CLK1: variants seen among roughly 807,000 people sequenced by gnomAD.
CLK1 encodes dual specificity protein kinase CLK1.
Under a neutral mutation model 60.9 loss-of-function variants are expected in CLK1, and 40 were observed. The observed-to-expected ratio is 0.66, with a 90% CI of 0.51 to 0.86. The LOEUF (loss-of-function observed/expected upper bound fraction) is 0.86, where lower values mean the gene tolerates loss of function less well. Ranked by LOEUF, CLK1 falls within the 40% of genes least tolerant of loss-of-function variation. The pLI, the probability that CLK1 is intolerant of heterozygous loss-of-function variation, is 0.00. For synonymous variants in CLK1, 203 were observed against 184.4 expected (o/e 1.10, Z -0.82); for missense variants, 563 against 606.1 (o/e 0.93, Z 0.75).
intron 3 of CLK1, chr2:200,860,936 C>T (rs1393672150): frequency 8.8e-7 from 1 of 1,131,780 alleles, no homozygotes; most frequent in East Asian, 5.6e-5. Context: ...TCTTGAAGTA[C>T]CACAAAAAAC....
At chr2:200,853,860 G>GA in intron 12 of CLK1, 43 bp downstream of exon 12, 1 of 1,445,382 alleles carries the variant, frequency 6.9e-7, no homozygotes, top group South Asian at 1.2e-5. Flanking sequence ...ACAAACAGAA[G>GA]AAACTCAGTT....
chr2:200,857,911 T>C, intron 6 of CLK1, 27 bp from the exon 7 acceptor site: 3 of 1,612,190 alleles, frequency 1.9e-6, no homozygotes, highest in South Asian at 2.2e-5. Flanking sequence ...AATAGCTAAG[T>C]ATAGTTGCTC....
rs2066749 is a variant in CLK1, at chr2:200,856,829, T to C, written c.928-18A>G. On this transcript the variant is annotated intron_variant, in intron 8 of 12. Coordinates refer to ENST00000321356, the MANE Select transcript of CLK1 (RefSeq NM_004071.4). ...TCACGTTTCTGAAAATCATAAATGATGGTTAAGAAGGCATAAGCTATTAAG... is the reference window on the plus strand; with the variant it reads ...TCACGTTTCTGAAAATCATAAATGACGGTTAAGAAGGCATAAGCTATTAAG... The C allele has an allele frequency of 5.4e-4, 878 of 1,612,062 alleles. 9 individuals are homozygous for C. In the African/African-American group the frequency reaches 0.011, roughly 20 times the overall value.
intron 1 of CLK1, among the ~76,000 whole-genome samples, chr2:200,862,645 C>A (rs1037577756): frequency 6.6e-6 from 1 of 152,216 alleles, no homozygotes; most frequent in African/African-American, 2.4e-5. Flanking sequence ...ACAAAGCCTG[C>A]CTTTAGTGGT....
intron 1 of CLK1, chr2:200,864,005 CACT>C (rs1404161363): frequency 2.2e-6 from 3 of 1,355,878 alleles, no homozygotes; most frequent in African/African-American, 3.0e-5. Flanking sequence ...TTGTTAACAC[CACT>C]GAGGACAAAG....
intron 11 of CLK1, 118 bp downstream of exon 11, chr2:200,854,498 T>G (rs1392026854): frequency 4.6e-6 from 3 of 653,666 alleles, no homozygotes; most frequent in Admixed American, 2.5e-5. Flanking sequence ...GTCACGCCAC[T>G]GCACTCCAGC....
Position 200,856,694 on chromosome 2 carries a change from C to T in CLK1, c.1045G>A (p.Glu349Lys). The change falls in exon 9 of 13, where the codon GAA becomes AAA. Residue 349 changes from glutamate (E) to lysine (K), a missense_variant. Physicochemically the swap from Glu to Lys is moderately conservative, Grantham distance 56 (BLOSUM62 1). This residue lies in a region of CLK1 where 360 missense variants were observed against 407.0 expected (regional missense o/e 0.88). Transcript: ENST00000321356. ...LVSTRHYRAP[E>K]VILALGWSQP... The stretch of plus-strand genomic sequence containing the variant: ...AATTAATACTCACCTAAAATAACTT[C>T]AGGTGCTCTATAATGTCTTGTAGAT... The T allele has an allele frequency of 6.3e-7, 1 of 1,583,626 alleles. No individual in the cohort carries two copies. The highest frequency in any genetic ancestry group is 8.6e-7 in the Non-Finnish European group (1 of 1,166,728).
Position 200,853,679 on chromosome 2 carries a change from G to GAAAA in CLK1, c.1311+220_1311+223dup, listed in dbSNP as rs34449560. 3.5e-4 allele frequency among the ~76,000 whole-genome samples: 17 copies of GAAAA among 49,118 alleles called. 1 individual carries two copies. Among genetic ancestry groups the GAAAA allele is most frequent in the African/African-American group, 8.1e-4 (9 of 11,130 alleles). The allele number at this position is 49,118 out of a possible 152,430, so 32.2% of individuals were successfully genotyped here. A position where few individuals can be genotyped will look rare whatever the true frequency, so the allele number is the denominator to read the frequency against. On this transcript the variant is annotated intron_variant, in intron 12 of 12. Transcript: ENST00000321356. The stretch of plus-strand genomic sequence containing the variant: ...AACATAGTAAAACTTGTCTTTACTT[G>GAAAA]AAAAAAAAAAAAAAAAAAAAAAAAA...
chr2:200,856,558 T>C (rs2039047578), intron 9 of CLK1, 124 bp downstream of exon 9: 3 of 731,442 alleles, frequency 4.1e-6, no homozygotes, highest in African/African-American at 1.8e-5. Flanking sequence ...CATAATGCAC[T>C]TCATGATACT....
At chr2:200,855,938 G>A (rs1270563617) in intron 9 of CLK1, among the ~76,000 whole-genome samples, 2 of 150,916 alleles carry the variant, frequency 1.3e-5, no homozygotes, top group East Asian at 2.0e-4. Flanking sequence ...GAACCCAGGA[G>A]GCAGAAGTTG....
Position 200,856,777 on chromosome 2 carries a change from A to G in CLK1, c.962T>C (p.Ile321Thr), listed in dbSNP as rs749407397. ...RDERTLINPD[I>T]KVVDFGSATY... ...TGCACTACCAAAGTCTACAACTTTA[A>G]TATCTGGATTTATTAAGGTGCGTTC... The change falls in exon 9 of 13, where the codon ATT (isoleucine) becomes ACT (threonine). Residue 321 changes from isoleucine (I) to threonine (T), a missense_variant. This residue lies in a region of CLK1 where 360 missense variants were observed against 407.0 expected (regional missense o/e 0.88). Transcript: ENST00000321356. 6.2e-6 allele frequency: 10 copies of G among 1,613,656 alleles called. No individual in the cohort carries two copies. Among genetic ancestry groups the G allele is most frequent in the South Asian group, 1.1e-5 (1 of 91,024 alleles).
chr2:200,855,135 A>G (rs774663559), intron 9 of CLK1, 49 bp from the exon 10 acceptor site: 2 of 1,401,582 alleles, frequency 1.4e-6, no homozygotes, highest in Non-Finnish European at 2.0e-6. Flanking sequence ...AATGTTTGTT[A>G]AAGAAATTAA....
rs892228314 is a variant in CLK1, at chr2:200,859,934, G to C, written c.482-188C>G. On this transcript the variant is annotated intron_variant, in intron 4 of 12. Transcript: ENST00000321356. ...ATTTCATTAATTTGATTACTGTTCT[G>C]GAAGTTCTATATAACAAACATTACA... 1.7e-5 allele frequency: 24 copies of C among 1,429,268 alleles called. No homozygotes were observed. The African/African-American group carries it at 3.3e-4, about 20-fold the overall frequency. 88.5% of individuals were successfully genotyped at this position (1,429,268 alleles called of 1,614,324 possible).
intron 9 of CLK1, among the ~76,000 whole-genome samples, chr2:200,855,992 G>C (rs938409011): frequency 1.3e-5 from 2 of 151,480 alleles, no homozygotes; most frequent in African/African-American, 4.9e-5. Flanking sequence ...CTGGGCGACA[G>C]AGTAAGTCTC....
intron 7 of CLK1, chr2:200,857,324 AC>A (rs1184510529): frequency 3.7e-6 from 1 of 269,222 alleles, no homozygotes; most frequent in Non-Finnish European, 7.0e-6. Flanking sequence ...AAAAAACCCA[AC>A]AAAAAACCTC....
At position 200,854,301 on chromosome 2, in the gene CLK1, C is replaced by T. The variant is rs577810445; in HGVS notation, c.1221-308G>A. Reference sequence around the variant, plus strand: ...CTGTAATCTCAGCACTTTGGGAGGCCGAGGTGGGCGGATCACAAGGTCAGG... The same window carrying T: ...CTGTAATCTCAGCACTTTGGGAGGCTGAGGTGGGCGGATCACAAGGTCAGG... On this transcript the variant is annotated intron_variant, in intron 11 of 12. Coordinates refer to ENST00000321356, the MANE Select transcript of CLK1 (RefSeq NM_004071.4). Among the ~76,000 whole-genome samples the T allele has an allele frequency of 8.5e-5, 13 of 152,062 alleles. 1 individual carries two copies. The highest frequency in any genetic ancestry group is 5.9e-4 in the Admixed American group (9 of 15,266).
At chr2:200,856,318 C>T (rs113045391) in intron 9 of CLK1, among the ~76,000 whole-genome samples, 19,506 of 152,044 alleles carry the variant, frequency 0.13, 1,499 homozygotes, top group Middle Eastern at 0.18. Context: ...GGTCTGCCCG[C>T]CTTGGCCTCC....
chr2:200,857,677 G>C, intron 7 of CLK1, 41 bp downstream of exon 7: 1 of 1,519,922 alleles, frequency 6.6e-7, no homozygotes, highest in South Asian at 1.3e-5. Flanking sequence ...ATGTGGAATG[G>C]ATAAAACCAG....
chr2:200,864,257 T>G, intron 1 of CLK1: 1 of 1,521,238 alleles, frequency 6.6e-7, no homozygotes, highest in Non-Finnish European at 8.8e-7. Context: ...GTTCACAACA[T>G]GGCGCCCGCC....
Sources: allele counts gnomAD v4.1 joint callset (sites outside exome capture counted in the v4.1 genomes callset), GRCh38; gene constraint gnomAD v4.1.1; regional missense constraint gnomAD v4.1.1; transcripts MANE v1.5; gene names NCBI Gene and HGNC (gene_info 2026-07-23, HGNC 2026-07-21).